UBASH3B: variants seen among roughly 807,000 people sequenced by gnomAD.
UBASH3B encodes the protein ubiquitin associated and SH3 domain containing B.
A neutral mutation model predicts 83.4 loss-of-function variants in UBASH3B; 37 were observed. The ratio of observed to expected loss-of-function variants is 0.44; its 90% CI spans 0.34 to 0.58. The LOEUF (loss-of-function observed/expected upper bound fraction) is 0.58, where lower values mean the gene tolerates loss of function less well. UBASH3B is among the 20% of genes least tolerant of loss of function. UBASH3B has a pLI of 0.01. For synonymous variants in UBASH3B, 304 were observed against 318.3 expected (o/e 0.96, Z 0.48); for missense variants, 657 against 827.2 (o/e 0.79, Z 2.52).
intron 6 of UBASH3B, among the ~76,000 whole-genome samples, 170 bp from the exon 7 acceptor site, chr11:122,794,530 TAA>T (rs1861119193): frequency 6.6e-6 from 1 of 152,162 alleles, no homozygotes; most frequent in South Asian, 2.1e-4. Context: ...GACTTCAGTA[TAA>T]AACAAGGTAT....
chr11:122,712,622 G>A (rs1331951944), intron 1 of UBASH3B, among the ~76,000 whole-genome samples: 2 of 152,236 alleles, frequency 1.3e-5, no homozygotes, highest in East Asian at 3.9e-4. Context: ...TTCTACCCCA[G>A]AAAGTACCCA....
At chr11:122,782,929 T>G in intron 4 of UBASH3B, 124 bp from the exon 5 acceptor site, 1 of 1,188,242 alleles carries the variant, frequency 8.4e-7, no homozygotes, top group Non-Finnish European at 1.2e-6. Flanking sequence ...AGAAACGTCT[T>G]TTGTCTTCTT....
At chr11:122,673,591 A>G (rs923060996) in intron 1 of UBASH3B, among the ~76,000 whole-genome samples, 3 of 152,152 alleles carry the variant, frequency 2.0e-5, no homozygotes, top group Admixed American at 6.5e-5. Context: ...CCCGGGAGGC[A>G]GAGCTTGCAG....
intron 1 of UBASH3B, among the ~76,000 whole-genome samples, chr11:122,674,439 G>C (rs1342610252): frequency 2.0e-5 from 3 of 149,670 alleles, no homozygotes; most frequent in African/African-American, 2.5e-5. Context: ...GGAGTGCAGC[G>C]GCGCGATCTC....
intron 1 of UBASH3B, among the ~76,000 whole-genome samples, chr11:122,715,015 G>A (rs999297642): frequency 1.3e-5 from 2 of 151,952 alleles, no homozygotes; most frequent in Admixed American, 1.3e-4. Context: ...GCGTGATCTC[G>A]GCTCACTGCA....
At chr11:122,679,467 C>A (rs12270851) in intron 1 of UBASH3B, among the ~76,000 whole-genome samples, 23,773 of 152,174 alleles carry the variant, frequency 0.16, 2,002 homozygotes, top group African/African-American at 0.21. Context: ...TTGGTACCAA[C>A]CAGGAGCTTG....
At chr11:122,704,142 C>T (rs932926673) in intron 1 of UBASH3B, among the ~76,000 whole-genome samples, 5 of 152,216 alleles carry the variant, frequency 3.3e-5, no homozygotes, top group Non-Finnish European at 4.4e-5. Context: ...CTTACAGGAA[C>T]GAAAGCTGAG....
chr11:122,725,342 A>AAAAAAAAAAAAGAGAG (rs71281633), intron 1 of UBASH3B, among the ~76,000 whole-genome samples: 63 of 130,796 alleles, frequency 4.8e-4, no homozygotes, highest in Non-Finnish European at 6.7e-4. Context: ...AAAAAAAAAA[A>AAAAAAAAAAAAGAGAG]AAGAAAAGAA....
chr11:122,799,600 T>C (rs1278565346), intron 10 of UBASH3B, among the ~76,000 whole-genome samples: 1 of 152,222 alleles, frequency 6.6e-6, no homozygotes, highest in Non-Finnish European at 1.5e-5. Context: ...GCAAAATGTT[T>C]AGAACTTACA....
intron 1 of UBASH3B, among the ~76,000 whole-genome samples, chr11:122,738,645 T>C (rs1860974145): frequency 6.6e-6 from 1 of 152,090 alleles, no homozygotes; most frequent in Non-Finnish European, 1.5e-5. Context: ...TCCTAGCACT[T>C]TGTGAGGCTG....
rs573184867 is a variant in UBASH3B at position 122,698,405 on chromosome 11, T to A, written c.161+42195T>A. Reference sequence around the variant, plus strand: ...AAAGTTGTTCCCAAGTAACACTATGTGACCATTTGAATTTTACATTTTCTC... The same window carrying A: ...AAAGTTGTTCCCAAGTAACACTATGAGACCATTTGAATTTTACATTTTCTC... On this transcript the variant is annotated intron_variant, in intron 1 of 13. Transcript: ENST00000284273. Among the ~76,000 whole-genome samples the A allele has an allele frequency of 1.6e-3, 243 of 152,310 alleles. 2 individuals carry two copies. The highest frequency in any genetic ancestry group is 5.4e-3 in the African/African-American group (224 of 41,558).
intron 1 of UBASH3B, among the ~76,000 whole-genome samples, chr11:122,735,749 C>T (rs1860921204): frequency 6.6e-6 from 1 of 152,072 alleles, no homozygotes; most frequent in Non-Finnish European, 1.5e-5. Context: ...AGGCAGAGGG[C>T]CCAGCATGTG....
intron 1 of UBASH3B, among the ~76,000 whole-genome samples, chr11:122,749,647 C>G (rs149385997): frequency 1.5e-3 from 229 of 152,354 alleles, no homozygotes; most frequent in Admixed American, 4.1e-3. Flanking sequence ...GTGCATCAGT[C>G]CATGGGTCTG....
intron 1 of UBASH3B, among the ~76,000 whole-genome samples, chr11:122,737,797 C>T (rs1860958942): frequency 6.6e-6 from 1 of 151,984 alleles, no homozygotes; most frequent in African/African-American, 2.4e-5. Flanking sequence ...GTCAGGACGC[C>T]AGAGGGTTGA....
In UBASH3B at chr11:122,725,328, C is replaced by CAAAAA. The variant is rs527272428; in HGVS notation, c.162-50879_162-50875dup. Among the ~76,000 whole-genome samples the CAAAAA allele has an allele frequency of 1.5e-4, 13 of 87,946 alleles. No individual in the cohort carries two copies. In the East Asian group the frequency reaches 1.7e-3, roughly 11 times the overall value. 57.7% of individuals were successfully genotyped at this position (87,946 alleles called of 152,430 possible). ...GCTGTGATGAGCATAGCACCATAAA[C>CAAAAA]AAAAAAAAAAAAAAAAGAAAAGAAA... is the stretch of plus-strand genomic sequence containing the variant. On this transcript the variant is annotated intron_variant, in intron 1 of 13. Transcript: ENST00000284273.
chr11:122,743,758 G>A (rs1014286185), intron 1 of UBASH3B, among the ~76,000 whole-genome samples: 4 of 152,224 alleles, frequency 2.6e-5, no homozygotes, highest in East Asian at 3.8e-4. Context: ...GCAAAGGAGC[G>A]TGATGGAGTA....
intron 1 of UBASH3B, among the ~76,000 whole-genome samples, chr11:122,697,074 T>C (rs906348379): frequency 4.6e-5 from 7 of 152,188 alleles, no homozygotes; most frequent in Non-Finnish European, 8.8e-5. Flanking sequence ...GTAATCTACA[T>C]AGCAGCCATT....
chr11:122,755,383 G>C lies in UBASH3B; in HGVS notation c.162-20836G>C, dbSNP rs116268941. ...TTATAGCCTTCTGTGGAAAAGACTT[G>C]AACATTTTCTTCTATCTTATGGAAA... On this transcript the variant is annotated intron_variant, in intron 1 of 13. Transcript: ENST00000284273. Among the ~76,000 whole-genome samples, 1,068 of 152,176 alleles carry C rather than the reference G, an allele frequency of 7.0e-3. 12 individuals carry two copies. The highest frequency in any genetic ancestry group is 0.024 in the African/African-American group (1,000 of 41,504).
chr11:122,791,046 C>T (rs191309706), intron 6 of UBASH3B, among the ~76,000 whole-genome samples: 1 of 152,246 alleles, frequency 6.6e-6, no homozygotes, highest in African/African-American at 2.4e-5. Flanking sequence ...CAACTCAGGC[C>T]GATGTATAGG....
Sources: gnomAD v4.1 joint callset for allele counts (sites outside exome capture counted in the v4.1 genomes callset) on GRCh38, gnomAD v4.1.1 for gene constraint, MANE v1.5 for transcripts, NCBI Gene and HGNC (gene_info 2026-07-23, HGNC 2026-07-21) for gene names.